NPIPB2: variants seen among roughly 807,000 people sequenced by gnomAD.
NPIPB2 encodes nuclear pore complex-interacting protein family member B2.
A neutral mutation model predicts 30.8 loss-of-function variants in NPIPB2; 27 were observed. The ratio of observed to expected loss-of-function variants is 0.88; its 90% confidence interval spans 0.65 to 1.21. The LOEUF is 1.21. Ranked by LOEUF, NPIPB2 falls within the 50% of genes most tolerant of loss-of-function variation. The pLI, the probability that NPIPB2 is intolerant of heterozygous loss-of-function variation, is 0.00. For missense variants in NPIPB2, 440 were observed against 446.2 expected (o/e 0.99, Z 0.13); for synonymous variants, 147 against 162.0 (o/e 0.91, Z 0.70).
At chr16:11,950,189 C>T (rs1212468676) in intron 1 of NPIPB2, among the ~76,000 whole-genome samples, 2 of 152,030 alleles carry the variant, frequency 1.3e-5, no homozygotes, top group Non-Finnish European at 2.9e-5. Context: ...CCTGCCACCA[C>T]CCCTGGCTAA....
chr16:11,965,452 C>T, intron 1 of NPIPB2: 1 of 1,613,984 alleles, frequency 6.2e-7, no homozygotes, highest in South Asian at 1.1e-5. Context: ...TATTGTAATG[C>T]AAGTAAGTAA....
At chr16:11,965,404 G>C (rs200779776) in intron 1 of NPIPB2, 28 of 1,614,098 alleles carry the variant, frequency 1.7e-5, no homozygotes, top group Non-Finnish European at 2.4e-5. Context: ...TGTCAACTTC[G>C]ATGTTCTTCT....
chr16:11,974,253 C>G (rs145905396), intron 1 of NPIPB2, among the ~76,000 whole-genome samples: 81 of 152,278 alleles, frequency 5.3e-4, no homozygotes, highest in African/African-American at 1.9e-3. Flanking sequence ...GTTGGTGGCT[C>G]ATGCCTGTAA....
At chr16:11,976,222 C>G (rs1301716388) in intron 1 of NPIPB2, among the ~76,000 whole-genome samples, 1 of 152,166 alleles carries the variant, frequency 6.6e-6, no homozygotes, top group Non-Finnish European at 1.5e-5. Context: ...AGCCACCGCA[C>G]CAGGCCTATT....
rs771579251 is a variant in NPIPB2, at chr16:11,965,418, ACTC to A, written c.-584+11147_-584+11149del. 2.6e-5 allele frequency: 42 copies of A among 1,613,744 alleles called. No homozygotes were observed. In the East Asian group the frequency reaches 4.5e-4, roughly 17 times the overall value. Reference sequence around the variant, plus strand: ...TTGTCAACTTCGATGTTCTTCTAATACTCCTCCTCTAACATGTCAGCGTTATTG... The same window carrying A: ...TTGTCAACTTCGATGTTCTTCTAATACTCCTCTAACATGTCAGCGTTATTG... On this transcript the variant is annotated intron_variant, in intron 1 of 5. Transcript: ENST00000538896.
At chr16:11,966,404 C>A in intron 1 of NPIPB2, 1 of 1,527,434 alleles carries the variant, frequency 6.5e-7, no homozygotes, top group Non-Finnish European at 8.9e-7. Flanking sequence ...AGTTTCAGTT[C>A]CTTTTCTTTT....
rs764556231 is a variant in NPIPB2, at chr16:11,967,570, G to GA, written c.-584+8997dup. On this transcript the variant is annotated intron_variant, in intron 1 of 5. Coordinates refer to the NPIPB2 transcript ENST00000538896. ...AATGTTTCCGTTTCTACATAATTAG[G>GA]ATCAGGTCTCCTGGGCATGGCTAAC... The GA allele has an allele frequency of 1.9e-6, 3 of 1,609,822 alleles. No homozygotes were observed. In the South Asian group the frequency reaches 3.3e-5, roughly 18 times the overall value.
chr16:11,971,315 C>A lies in NPIPB2; in HGVS notation c.-584+5253G>T, dbSNP rs375692022. ...CTCAGGAGATTCTGAGAACACATAC[C>A]CTAGGTGGTTGGGCTACAACTTTGT... On this transcript the variant is annotated intron_variant, in intron 1 of 5. Coordinates refer to the NPIPB2 transcript ENST00000538896. Among the ~76,000 whole-genome samples, 24 of 152,096 alleles carry A rather than the reference C, an allele frequency of 1.6e-4. No homozygotes were observed. The East Asian group carries it at 4.4e-3, about 28-fold the overall frequency.
chr16:11,937,099 C>T (rs1567467083), intron 2 of NPIPB2, among the ~76,000 whole-genome samples: 2 of 152,022 alleles, frequency 1.3e-5, no homozygotes, highest in Non-Finnish European at 2.9e-5. Flanking sequence ...CAGCTGGTTC[C>T]CATGTTTATG....
chr16:11,934,066 A>T (rs2054831229), intron 2 of NPIPB2, 142 bp from the exon 3 acceptor site: 1 of 669,750 alleles, frequency 1.5e-6, no homozygotes, highest in Non-Finnish European at 2.6e-6. Context: ...CCCCGTCTCT[A>T]CTAAAAATAC....
upstream of NPIPB2, among the ~76,000 whole-genome samples, chr16:11,942,965 C>T (rs1211344158): frequency 2.0e-5 from 3 of 151,900 alleles, no homozygotes; most frequent in Admixed American, 1.3e-4. Context: ...ATTGATGCTA[C>T]AAATGGAAAG....
intron 1 of NPIPB2, among the ~76,000 whole-genome samples, chr16:11,975,862 G>C (rs1436608945): frequency 6.6e-6 from 1 of 151,778 alleles, no homozygotes; most frequent in African/African-American, 2.4e-5. Context: ...ATCATGCCTT[G>C]GGATTACAGG....
At chr16:11,947,156 G>C (rs79056059) in intron 1 of NPIPB2, among the ~76,000 whole-genome samples, 777 of 145,642 alleles carry the variant, frequency 5.3e-3, no homozygotes, top group Non-Finnish European at 9.0e-3. Context: ...GTCTCACTAT[G>C]ATGCTCAGGC....
intron 1 of NPIPB2, among the ~76,000 whole-genome samples, chr16:11,963,247 G>A (rs1242375138): frequency 2.6e-5 from 4 of 152,038 alleles, no homozygotes; most frequent in Non-Finnish European, 4.4e-5. Flanking sequence ...AGGCGTGGTG[G>A]CATGCACCTG....
chr16:11,951,619 TACACATACACACACACAC>T (rs1176505740), intron 1 of NPIPB2, among the ~76,000 whole-genome samples: 6 of 115,914 alleles, frequency 5.2e-5, no homozygotes, highest in East Asian at 3.8e-4. Context: ...ACACTGCACA[TACACATACACACACACAC>T]ACACACACAC....
At chr16:11,966,420 C>G in intron 1 of NPIPB2, 2 of 1,437,520 alleles carry the variant, frequency 1.4e-6, no homozygotes, top group Non-Finnish European at 9.5e-7. Context: ...CTTTTTTTAG[C>G]GTTGACTATT....
chr16:11,938,306 G>A (rs1438205253), intron 1 of NPIPB2, among the ~76,000 whole-genome samples: 5 of 151,746 alleles, frequency 3.3e-5, no homozygotes, highest in Middle Eastern at 3.4e-3. Context: ...GTGAGCCACC[G>A]TGCCCGGCCA....
intron 1 of NPIPB2, among the ~76,000 whole-genome samples, chr16:11,975,938 T>C (rs531130079): frequency 1.1e-4 from 17 of 151,812 alleles, no homozygotes; most frequent in South Asian, 1.0e-3. Flanking sequence ...ATCACTCCTC[T>C]GCTTGAGTCC....
chr16:11,972,297 T>C (rs561106361), intron 1 of NPIPB2, among the ~76,000 whole-genome samples: 1 of 152,094 alleles, frequency 6.6e-6, no homozygotes, highest in South Asian at 2.1e-4. Context: ...TGTTCTGGGC[T>C]GGATGCCGCG....
Sources: gnomAD v4.1 joint callset for allele counts (sites outside exome capture counted in the v4.1 genomes callset) on GRCh38, gnomAD v4.1.1 for gene constraint, MANE v1.5 for transcripts, NCBI Gene and HGNC (gene_info 2026-07-23, HGNC 2026-07-21) for gene names.